Variants in AOPEP observed in about 807,000 individuals in gnomAD.
AOPEP encodes the protein aminopeptidase O.
AOPEP carries 77 observed loss-of-function variants against 98.1 expected under a neutral mutation model. The ratio of observed to expected loss-of-function variants is 0.78; its 90% CI spans 0.65 to 0.95. AOPEP has a LOEUF of 0.95. Among genes scored for constraint, AOPEP ranks in the 40% least tolerant of loss-of-function variants. The pLI is 0.00. For synonymous variants in AOPEP, 346 were observed against 365.3 expected, an observed-to-expected ratio of 0.95 and a Z score of 0.60; for missense variants, 1,024 against 1,024.7, an observed-to-expected ratio of 1.00 and a Z score of 0.01.
In AOPEP at chr9:95,029,416, CTG is replaced by C. The variant is rs561610996; in HGVS notation, c.2115+23804_2115+23805del. On this transcript the variant is annotated intron_variant, in intron 13 of 16. Transcript: ENST00000375315. ...AAACCGGTGTGGCCCCTTCCAAAGC[CTG>C]TGTTTTCTCAGTAGGGTAAAGTTAC... Among the ~76,000 whole-genome samples, 234 of 152,284 alleles carry C rather than the reference CTG, an allele frequency of 1.5e-3. 1 individual carries two copies. Among genetic ancestry groups the C allele is most frequent in the Middle Eastern group, 3.4e-3 (1 of 294 alleles).
intron 5 of AOPEP, among the ~76,000 whole-genome samples, chr9:94,846,701 G>C (rs561461701): frequency 6.6e-6 from 1 of 152,180 alleles, no homozygotes; most frequent in Admixed American, 6.5e-5. Context: ...TTGAACCCAG[G>C]AGTTCAAGAT....
At chr9:94,973,562 C>T (rs2059656667) in intron 10 of AOPEP, among the ~76,000 whole-genome samples, 1 of 152,212 alleles carries the variant, frequency 6.6e-6, no homozygotes, top group Admixed American at 6.5e-5. Context: ...GAACTGGAGA[C>T]CATTGACACT....
chr9:94,947,440 G>T (rs952674403), intron 7 of AOPEP, among the ~76,000 whole-genome samples: 1 of 152,088 alleles, frequency 6.6e-6, no homozygotes, highest in Non-Finnish European at 1.5e-5. Flanking sequence ...ACCACATCTC[G>T]CTTTGTTGCC....
At chr9:95,108,278 G>C in the AOPEP span, among the ~76,000 whole-genome samples, 1 of 152,208 alleles carries the variant, frequency 6.6e-6, no homozygotes, top group Non-Finnish European at 1.5e-5. Context: ...CACGGGGAGC[G>C]GCAGCGCTCC....
chr9:94,760,270 G>T lies in AOPEP; in HGVS notation c.487G>T (p.Ala163Ser), dbSNP rs758157613. 3 of 1,614,174 alleles carry T rather than the reference G, an allele frequency of 1.9e-6. No homozygotes were observed. Among genetic ancestry groups the T allele is most frequent in the Non-Finnish European group, 2.5e-6 (3 of 1,180,032 alleles). Residue 163 changes from alanine to serine, a missense_variant, in exon 2 of 17, where the codon GCT becomes TCT. Transcript: ENST00000375315. ...AAAAGTCGAGGAGGTGGATGTTGCT[G>T]CTGTGCCAGGTCTGGAAAAATTTAC... Reference protein sequence around the residue: ...VLKVEEVDVAAVPGLEKFTRS... With the variant: ...VLKVEEVDVASVPGLEKFTRS...
chr9:95,084,596 A>G (rs931717252), intron 16 of AOPEP, among the ~76,000 whole-genome samples: 1 of 152,210 alleles, frequency 6.6e-6, no homozygotes, highest in Non-Finnish European at 1.5e-5. Flanking sequence ...TAGTCCTTTC[A>G]TCATTCCCTT....
chr9:95,060,871 A>G, intron 14 of AOPEP, 61 bp downstream of exon 14: 1 of 1,049,236 alleles, frequency 9.5e-7, no homozygotes, highest in Non-Finnish European at 1.5e-6. Flanking sequence ...AAGAATGGTG[A>G]TCCCATTGCA....
intron 16 of AOPEP, chr9:95,086,062 A>G (rs760794806): frequency 7.3e-7 from 1 of 1,367,662 alleles, no homozygotes; most frequent in Non-Finnish European, 9.8e-7. Flanking sequence ...CATTTTACAC[A>G]CTGGCTCAGT....
chr9:95,100,094 GGA>G, the AOPEP span: 2 of 232,490 alleles, frequency 8.6e-6, no homozygotes, highest in Admixed American at 5.6e-5. Context: ...AGTCAGAACA[GGA>G]GAGAGGCCCT....
chr9:94,925,792 A>T (rs1030871540), intron 6 of AOPEP, among the ~76,000 whole-genome samples: 3 of 152,202 alleles, frequency 2.0e-5, no homozygotes, highest in Non-Finnish European at 4.4e-5. Context: ...TGGCTCTGCC[A>T]TTCGTTGGCT....
At chr9:94,837,765 T>C (rs1228938508) in intron 5 of AOPEP, among the ~76,000 whole-genome samples, 1 of 152,166 alleles carries the variant, frequency 6.6e-6, no homozygotes, top group Non-Finnish European at 1.5e-5. Context: ...TACCCCAATG[T>C]AAATAAAAGC....
chr9:94,776,700 T>G (rs1481314061), intron 3 of AOPEP, among the ~76,000 whole-genome samples: 1 of 152,258 alleles, frequency 6.6e-6, no homozygotes, highest in Non-Finnish European at 1.5e-5. Flanking sequence ...AGGAATTGGA[T>G]GGGTATTTAC....
chr9:95,041,387 A>G (rs1446443082), intron 13 of AOPEP, among the ~76,000 whole-genome samples: 1 of 150,672 alleles, frequency 6.6e-6, no homozygotes, highest in Non-Finnish European at 1.5e-5. Context: ...CCTTGTGGTA[A>G]TTTGAAATTG....
intron 11 of AOPEP, among the ~76,000 whole-genome samples, chr9:95,004,702 AGCCGGGGGAGGG>A (rs1564509537): frequency 7.5e-6 from 1 of 134,100 alleles, no homozygotes; most frequent in Non-Finnish European, 1.6e-5. Flanking sequence ...CAGGGCGCGG[AGCCGGGGGAGGG>A]GTGGCGGGGG....
chr9:94,863,448 T>G (rs2045337745), intron 5 of AOPEP, among the ~76,000 whole-genome samples: 1 of 150,942 alleles, frequency 6.6e-6, no homozygotes, highest in Non-Finnish European at 1.5e-5. Flanking sequence ...GCCTGGCTAA[T>G]TTTTTATATT....
chr9:94,878,499 A>G (rs2135790313), intron 5 of AOPEP, among the ~76,000 whole-genome samples: 1 of 152,024 alleles, frequency 6.6e-6, no homozygotes, highest in African/African-American at 2.4e-5. Context: ...GATTGTACTT[A>G]GTCAGTGGAT....
chr9:94,967,883 A>G, intron 10 of AOPEP, 82 bp downstream of exon 10: 1 of 1,129,936 alleles, frequency 8.9e-7, no homozygotes. Flanking sequence ...GGCTTGTCAC[A>G]GCCTAGAAAG....
At chr9:94,918,957 CT>C (rs1411105535) in intron 5 of AOPEP, among the ~76,000 whole-genome samples, 6 of 151,466 alleles carry the variant, frequency 4.0e-5, no homozygotes, top group Non-Finnish European at 8.8e-5. Flanking sequence ...GCACTGTTGC[CT>C]GGGCTGGAGT....
At chr9:94,886,737 A>G (rs1305869620) in intron 5 of AOPEP, among the ~76,000 whole-genome samples, 1 of 152,198 alleles carries the variant, frequency 6.6e-6, no homozygotes, top group Admixed American at 6.5e-5. Flanking sequence ...GGTTTGTACA[A>G]CATTTTAAAT....
Sources: gnomAD v4.1 joint callset for allele counts (sites outside exome capture counted in the v4.1 genomes callset) on GRCh38, gnomAD v4.1.1 for gene constraint, MANE v1.5 for transcripts, NCBI Gene and HGNC (gene_info 2026-07-23, HGNC 2026-07-21) for gene names.